Variants in SNX18 observed in about 807,000 individuals in gnomAD.
SNX18 encodes sorting nexin 18, also known as sorting nexin-18.
Under a neutral mutation model 48.7 loss-of-function variants are expected in SNX18, and 35 were observed. The observed-to-expected ratio is 0.72, with a 90% CI of 0.55 to 0.95. The LOEUF is 0.95. Ranked by LOEUF, SNX18 falls within the 40% of genes least tolerant of loss-of-function variation. The probability of loss-of-function intolerance (pLI) is 0.00; values close to 1 mark genes in which losing one functional copy is unlikely to be tolerated. For synonymous variants in SNX18, 492 were observed against 384.7 expected, an observed-to-expected ratio of 1.28 and a Z score of -3.26; for missense variants, 824 against 871.0, an observed-to-expected ratio of 0.95 and a Z score of 0.68.
chr5:54,625,676 A>G, the SNX18 span, among the ~76,000 whole-genome samples: 1 of 152,178 alleles, frequency 6.6e-6, no homozygotes, highest in Admixed American at 6.5e-5. Flanking sequence ...ACACAAGGGC[A>G]TGGAGACTAG....
At chr5:54,563,544 T>C in the SNX18 span, among the ~76,000 whole-genome samples, 454 of 152,350 alleles carry the variant, frequency 3.0e-3, 3 homozygotes, top group African/African-American at 0.011. Flanking sequence ...TTTGTGTAAG[T>C]GCACGCTGTG....
At chr5:54,616,134 C>T in the SNX18 span, among the ~76,000 whole-genome samples, 4 of 152,094 alleles carry the variant, frequency 2.6e-5, no homozygotes, top group African/African-American at 9.7e-5. Flanking sequence ...TTTGCTTGCT[C>T]ACTAACAAAT....
chr5:54,567,949 G>T, the SNX18 span, among the ~76,000 whole-genome samples: 1 of 152,160 alleles, frequency 6.6e-6, no homozygotes, highest in Non-Finnish European at 1.5e-5. Context: ...GGAAAGCATT[G>T]GTTTCTGGGT....
At chr5:54,550,015 G>A (rs1762627395), downstream of SNX18, among the ~76,000 whole-genome samples, 1 of 152,186 alleles carries the variant, frequency 6.6e-6, no homozygotes, top group Non-Finnish European at 1.5e-5. Flanking sequence ...AAAAACATTG[G>A]AGTGCAGTTC....
chr5:54,634,639 C>A, the SNX18 span, among the ~76,000 whole-genome samples: 4 of 151,926 alleles, frequency 2.6e-5, no homozygotes, highest in Non-Finnish European at 4.4e-5. Context: ...ATTGGACACG[C>A]CTGCAACAAT....
At chr5:54,617,181 G>A in the SNX18 span, among the ~76,000 whole-genome samples, 3 of 152,228 alleles carry the variant, frequency 2.0e-5, no homozygotes, top group Admixed American at 1.3e-4. Context: ...CAGTGAAGCC[G>A]CAAGGCCTCT....
chr5:54,620,550 CAG>C, the SNX18 span, among the ~76,000 whole-genome samples: 1 of 152,200 alleles, frequency 6.6e-6, no homozygotes, highest in Non-Finnish European at 1.5e-5. Flanking sequence ...TGCCTTCAGG[CAG>C]ACAGCAGATC....
At chr5:54,633,168 G>A in the SNX18 span, among the ~76,000 whole-genome samples, 549 of 152,170 alleles carry the variant, frequency 3.6e-3, 3 homozygotes, top group African/African-American at 0.013. Flanking sequence ...AACGTGAATC[G>A]GAGGATAGAA....
chr5:54,567,838 T>C, the SNX18 span, among the ~76,000 whole-genome samples: 1 of 152,138 alleles, frequency 6.6e-6, no homozygotes, highest in Admixed American at 6.5e-5. Context: ...GCTTGCTTAG[T>C]CTCTGGGGAC....
rs766762186 is a variant in SNX18 at position 54,519,545 on chromosome 5, C to T, written c.1593C>T (p.Asn531=). ...LLALYQGHLA[N]FPDIIHVQKG... ...CGCTGTATCAGGGGCATCTGGCTAA[C>T]TTCCCGGACATCATCCACGTTCAGA... Residue 531 remains asparagine, a synonymous_variant, in exon 1 of 2, where the codon AAC becomes AAT. Coordinates refer to ENST00000381410, the MANE Select transcript of SNX18 (RefSeq NM_001102575.2). 3.1e-6 allele frequency: 5 copies of T among 1,614,136 alleles called. No individual in the cohort carries two copies. The African/African-American group carries it at 5.3e-5, about 17-fold the overall frequency.
chr5:54,527,717 T>G (rs552935486), intron 1 of SNX18, among the ~76,000 whole-genome samples: 3 of 152,296 alleles, frequency 2.0e-5, no homozygotes, highest in African/African-American at 7.2e-5. Flanking sequence ...TATTAGTGTG[T>G]GGGTTATGTT....
the SNX18 span, among the ~76,000 whole-genome samples, chr5:54,569,443 A>G: frequency 6.6e-6 from 1 of 152,178 alleles, no homozygotes; most frequent in African/African-American, 2.4e-5. Context: ...ATTATATCAC[A>G]TGAATTTTGT....
chr5:54,543,102 T>C, intron 1 of SNX18, 77 bp from the exon 2 acceptor site: 1 of 1,400,986 alleles, frequency 7.1e-7, no homozygotes, highest in Non-Finnish European at 9.6e-7. Flanking sequence ...ATGCCCAAGA[T>C]TCTGTTTAAT....
chr5:54,573,933 A>G, the SNX18 span, among the ~76,000 whole-genome samples: 1 of 152,316 alleles, frequency 6.6e-6, no homozygotes, highest in Non-Finnish European at 1.5e-5. Flanking sequence ...CAGTGCAGGA[A>G]AGGTGGCCCA....
chr5:54,519,855 G>C, intron 1 of SNX18: 2 of 1,558,810 alleles, frequency 1.3e-6, no homozygotes, highest in Non-Finnish European at 1.7e-6. Context: ...GAATAGTTGA[G>C]TAATGAGCTG....
At chr5:54,560,012 AT>A in the SNX18 span, among the ~76,000 whole-genome samples, 1 of 152,200 alleles carries the variant, frequency 6.6e-6, no homozygotes, top group Non-Finnish European at 1.5e-5. Flanking sequence ...ATGAGAACTA[AT>A]TTACACTCTC....
At chr5:54,575,672 T>C in the SNX18 span, among the ~76,000 whole-genome samples, 1 of 151,986 alleles carries the variant, frequency 6.6e-6, no homozygotes, top group East Asian at 1.9e-4. Context: ...CAGACCCCCC[T>C]TTTTTTAAAC....
chr5:54,540,878 T>C (rs901075513), intron 1 of SNX18, among the ~76,000 whole-genome samples: 18 of 152,264 alleles, frequency 1.2e-4, no homozygotes, highest in African/African-American at 2.4e-5. Flanking sequence ...GATGAAAATA[T>C]AGTCAAATCA....
chr5:54,598,029 A>G, the SNX18 span, among the ~76,000 whole-genome samples: 1 of 152,180 alleles, frequency 6.6e-6, no homozygotes, highest in Admixed American at 6.5e-5. Context: ...GAAGAATCAA[A>G]TAGACACAAT....
Sources: allele counts gnomAD v4.1 joint callset (sites outside exome capture counted in the v4.1 genomes callset), GRCh38; gene constraint gnomAD v4.1.1; transcripts MANE v1.5; gene names NCBI Gene and HGNC (gene_info 2026-07-23, HGNC 2026-07-21).